The following CHRM3 variants were observed in gnomAD, a reference collection of about 807,000 sequenced individuals.
CHRM3 encodes the protein muscarinic acetylcholine receptor M3.
Under a neutral mutation model 41.8 loss-of-function variants are expected in CHRM3, and 11 were observed. That is an observed-to-expected ratio of 0.26 (90% CI 0.17 to 0.44). CHRM3 has a LOEUF of 0.44. Among genes scored for constraint, CHRM3 ranks in the 20% least tolerant of loss-of-function variants. CHRM3 has a pLI of 1.00. For missense variants in CHRM3, 571 were observed against 745.4 expected, an observed-to-expected ratio of 0.77 and a Z score of 2.72; for synonymous variants, 297 against 301.4, an observed-to-expected ratio of 0.99 and a Z score of 0.15.
intron 1 of CHRM3, among the ~76,000 whole-genome samples, chr1:239,454,927 C>G (rs1391135389): frequency 6.6e-6 from 1 of 151,946 alleles, no homozygotes; most frequent in Non-Finnish European, 1.5e-5. Context: ...ACTATGCTAC[C>G]AGTTGTATAG....
rs1332741513 is a variant in CHRM3, at chr1:239,502,433, G to A, written c.-422+9626G>A. Among the ~76,000 whole-genome samples, 3 of 151,908 alleles carry A rather than the reference G, an allele frequency of 2.0e-5. No homozygotes were observed. The South Asian group carries it at 6.2e-4, about 32-fold the overall frequency. Reference sequence around the variant, plus strand: ...CAATAACAAGCAGTGAGATTGAAATGGTAATTTAAAAATTAGCAACAAAAA... The same window carrying A: ...CAATAACAAGCAGTGAGATTGAAATAGTAATTTAAAAATTAGCAACAAAAA... On this transcript the variant is annotated intron_variant, in intron 2 of 6. Coordinates refer to ENST00000676153, the MANE Select transcript of CHRM3 (RefSeq NM_001375978.1).
intron 5 of CHRM3, among the ~76,000 whole-genome samples, chr1:239,760,919 T>C (rs780384544): frequency 5.9e-5 from 9 of 152,222 alleles, no homozygotes; most frequent in Non-Finnish European, 8.8e-5. Context: ...TCCATCAGAT[T>C]TGGAGATTTT....
chr1:239,714,546 G>C (rs932896990), intron 5 of CHRM3, among the ~76,000 whole-genome samples: 1 of 152,202 alleles, frequency 6.6e-6, no homozygotes, highest in African/African-American at 2.4e-5. Flanking sequence ...AGGGTGCACA[G>C]GCACAGGACG....
intron 5 of CHRM3, among the ~76,000 whole-genome samples, chr1:239,709,968 A>G (rs994037226): frequency 2.0e-5 from 3 of 152,228 alleles, no homozygotes; most frequent in African/African-American, 7.2e-5. Context: ...ATGAGATATT[A>G]CTAAAGGTAA....
chr1:239,897,168 C>T (rs1020875983), intron 6 of CHRM3, among the ~76,000 whole-genome samples: 3 of 152,224 alleles, frequency 2.0e-5, no homozygotes, highest in Non-Finnish European at 2.9e-5. Flanking sequence ...GCGCCTCCCA[C>T]ATTGCTTCTA....
intron 1 of CHRM3, among the ~76,000 whole-genome samples, chr1:239,398,199 G>A (rs1177602967): frequency 1.3e-5 from 2 of 152,068 alleles, no homozygotes; most frequent in East Asian, 3.9e-4. Context: ...ATCAATAGGA[G>A]ACTTTTGCAG....
At chr1:239,581,810 G>A (rs1253625143) in intron 3 of CHRM3, among the ~76,000 whole-genome samples, 1 of 152,166 alleles carries the variant, frequency 6.6e-6, no homozygotes, top group East Asian at 1.9e-4. Context: ...AACCTAAGCT[G>A]CCTGAGTCTA....
At chr1:239,704,374 G>A (rs1660949817) in intron 5 of CHRM3, 1 of 152,022 alleles carries the variant, frequency 6.6e-6, no homozygotes, top group Non-Finnish European at 1.5e-5. Flanking sequence ...AGAATTATTG[G>A]CAAGACTGCG....
At chr1:239,687,643 A>T (rs994113643) in intron 5 of CHRM3, among the ~76,000 whole-genome samples, 2 of 152,154 alleles carry the variant, frequency 1.3e-5, no homozygotes, top group Non-Finnish European at 2.9e-5. Context: ...TAGAGTTTAC[A>T]CACATAGCCA....
chr1:239,578,696 T>G (rs913583796), intron 3 of CHRM3, among the ~76,000 whole-genome samples: 31 of 152,336 alleles, frequency 2.0e-4, no homozygotes, highest in Admixed American at 1.9e-3. Flanking sequence ...CATTAATTGC[T>G]ATCTTTTTCA....
rs117817656 is a variant in CHRM3, at chr1:239,908,609, G to A, written c.1158G>A (p.Ser386=). 91 of 1,606,138 alleles carry A rather than the reference G, an allele frequency of 5.7e-5. No individual in the cohort carries two copies. In the East Asian group the frequency reaches 1.5e-3, roughly 26 times the overall value. The change falls in exon 7 of 7, where the codon TCG becomes TCA. Residue 386 remains serine, a synonymous_variant. Transcript: ENST00000676153. The surrounding 1 kb of genome is among the most constrained non-coding windows in gnomAD (Gnocchi z 7.2). The stretch of plus-strand genomic sequence containing the variant: ...TCAACTCCACCAAGTTACCCTCATC[G>A]GACAACCTGCAGGTGCCTGAGGAGG... ...TILNSTKLPS[S]DNLQVPEEEL... is the part of the protein sequence containing the mutation.
At chr1:239,807,856 A>G (rs959298473) in intron 5 of CHRM3, among the ~76,000 whole-genome samples, 1 of 151,992 alleles carries the variant, frequency 6.6e-6, no homozygotes, top group Admixed American at 6.6e-5. Context: ...ATACACACAC[A>G]CACGCACACA....
At chr1:239,635,277 A>C (rs1285987224) in intron 4 of CHRM3, among the ~76,000 whole-genome samples, 2 of 152,198 alleles carry the variant, frequency 1.3e-5, no homozygotes, top group Non-Finnish European at 2.9e-5. Context: ...TTATTCTCCT[A>C]TTTGAGACCT....
chr1:239,576,791 A>AG (rs1662407497), intron 3 of CHRM3, among the ~76,000 whole-genome samples: 1 of 150,834 alleles, frequency 6.6e-6, no homozygotes, highest in African/African-American at 2.4e-5. Context: ...CCCTATCTAA[A>AG]AAAAAAAAAA....
At chr1:239,635,185 C>G (rs1309159445) in intron 4 of CHRM3, among the ~76,000 whole-genome samples, 1 of 152,172 alleles carries the variant, frequency 6.6e-6, no homozygotes, top group Non-Finnish European at 1.5e-5. Context: ...TCATGTTAGT[C>G]AACATGGCTT....
At chr1:239,818,209 A>C (rs1335478572) in intron 5 of CHRM3, among the ~76,000 whole-genome samples, 1 of 152,234 alleles carries the variant, frequency 6.6e-6, no homozygotes, top group African/African-American at 2.4e-5. Flanking sequence ...CTCTGTACCC[A>C]CAAAAAGAGA....
At chr1:239,747,034 G>A (rs1665426682) in intron 5 of CHRM3, among the ~76,000 whole-genome samples, 1 of 152,074 alleles carries the variant, frequency 6.6e-6, no homozygotes, top group South Asian at 2.1e-4. Context: ...GGAATTACCA[G>A]CATGAGCCAC....
chr1:239,468,938 A>G (rs1267229839), intron 1 of CHRM3, among the ~76,000 whole-genome samples: 2 of 152,216 alleles, frequency 1.3e-5, no homozygotes, highest in East Asian at 3.9e-4. Context: ...AATAAATAAT[A>G]CCAACAGACT....
At chr1:239,613,697 G>A (rs778310498) in intron 3 of CHRM3, among the ~76,000 whole-genome samples, 12 of 152,102 alleles carry the variant, frequency 7.9e-5, no homozygotes, top group South Asian at 2.1e-4. Context: ...TCTCTCCCCC[G>A]GCAGTCTTCC....
Sources: allele counts gnomAD v4.1 joint callset (sites outside exome capture counted in the v4.1 genomes callset), GRCh38; gene constraint gnomAD v4.1.1; non-coding constraint Gnocchi (gnomAD v3.1); transcripts MANE v1.5; gene names NCBI Gene and HGNC (gene_info 2026-07-23, HGNC 2026-07-21).